Variants in SLC7A14 observed in about 807,000 individuals in gnomAD.
The protein encoded by SLC7A14 is gamma-aminobutyric acid transporter SLC7A14.
SLC7A14 carries 37 observed loss-of-function variants against 60.2 expected under a neutral mutation model. The observed-to-expected ratio is 0.61, with a 90% CI of 0.47 to 0.81. SLC7A14 has a LOEUF of 0.81. Ranked by LOEUF, SLC7A14 falls within the 30% of genes least tolerant of loss-of-function variation. SLC7A14 has a pLI of 0.00. For missense variants in SLC7A14, 886 were observed against 982.7 expected (o/e 0.90, Z 1.32); for synonymous variants, 399 against 395.8 (o/e 1.01, Z -0.10).
rs1713523579 is a variant in SLC7A14 at position 170,526,855 on chromosome 3, G to A, written c.82C>T (p.Arg28Cys). ...AGCATGGACTCCACTGGTTTGGTGC[G>A]TAGGATCCTGGAGTGCATTGCATAC... ...AWYAMHSRIL[R>C]TKPVESMLEG... Residue 28 changes from arginine to cysteine, a missense_variant, in exon 2 of 8, where the codon CGC becomes TGC. Transcript: ENST00000231706. The A allele has an allele frequency of 1.2e-6, 2 of 1,614,076 alleles. No homozygotes were observed. Among genetic ancestry groups the A allele is most frequent in the South Asian group, 2.2e-5 (2 of 91,046 alleles).
intron 1 of SLC7A14, among the ~76,000 whole-genome samples, chr3:170,541,015 G>A (rs563786162): frequency 1.3e-5 from 2 of 152,134 alleles, no homozygotes; most frequent in South Asian, 2.1e-4. Context: ...ACATGGCAAA[G>A]GTTAAAAAAA....
chr3:170,494,365 G>A (rs1406875907), intron 4 of SLC7A14, among the ~76,000 whole-genome samples: 1 of 152,254 alleles, frequency 6.6e-6, no homozygotes, highest in Non-Finnish European at 1.5e-5. Flanking sequence ...TCTTAGGAAA[G>A]TTAGTGAGAA....
chr3:170,568,406 A>C (rs1033572703), intron 1 of SLC7A14, among the ~76,000 whole-genome samples: 10 of 152,204 alleles, frequency 6.6e-5, no homozygotes, highest in Non-Finnish European at 1.3e-4. Flanking sequence ...TGTTTTGGTT[A>C]CTGTAGCCTT....
chr3:170,507,573 G>C (rs1180485169), intron 2 of SLC7A14, among the ~76,000 whole-genome samples: 1 of 152,158 alleles, frequency 6.6e-6, no homozygotes, highest in African/African-American at 2.4e-5. Flanking sequence ...AGGCGAAAAG[G>C]TGTAGCTGGG....
At chr3:170,546,816 T>C (rs1456142216) in intron 1 of SLC7A14, among the ~76,000 whole-genome samples, 7 of 152,116 alleles carry the variant, frequency 4.6e-5, no homozygotes, top group Admixed American at 2.0e-4. Context: ...TGCACTTGAA[T>C]TGGTATTGTT....
At chr3:170,557,301 C>T (rs1714513043) in intron 1 of SLC7A14, among the ~76,000 whole-genome samples, 1 of 151,976 alleles carries the variant, frequency 6.6e-6, no homozygotes, top group African/African-American at 2.4e-5. Flanking sequence ...TTTCAGAAAC[C>T]TCACAGCAAT....
chr3:170,545,157 GT>G (rs552270727), intron 1 of SLC7A14, among the ~76,000 whole-genome samples: 45 of 152,318 alleles, frequency 3.0e-4, no homozygotes, highest in African/African-American at 1.0e-3. Context: ...CACCAGAAAG[GT>G]GTGGTATCCT....
chr3:170,554,134 A>G (rs1714426334), intron 1 of SLC7A14, among the ~76,000 whole-genome samples: 1 of 152,210 alleles, frequency 6.6e-6, no homozygotes, highest in South Asian at 2.1e-4. Flanking sequence ...AGAAAAAAAA[A>G]TGGGCAAGAG....
At position 170,532,649 on chromosome 3, in the gene SLC7A14, C is replaced by T. The variant is rs1009094459; in HGVS notation, c.-152-5561G>A. On this transcript the variant is annotated intron_variant, in intron 1 of 7. Coordinates refer to ENST00000231706, the MANE Select transcript of SLC7A14 (RefSeq NM_020949.3). This position sits in a 1 kb window ranked among gnomAD's most constrained non-coding sequence, Gnocchi z 4.0. ...TGTGGGAGCGTTAGCTAGCATCACCCTGCTGTGGCCCCTGACCAGGTGTTT... is the reference window on the plus strand; with the variant it reads ...TGTGGGAGCGTTAGCTAGCATCACCTTGCTGTGGCCCCTGACCAGGTGTTT... Among the ~76,000 whole-genome samples, 4 of 151,772 alleles carry T rather than the reference C, an allele frequency of 2.6e-5. No individual in the cohort carries two copies. Among genetic ancestry groups the T allele is most frequent in the African/African-American group, 9.7e-5 (4 of 41,284 alleles).
rs575011847 is a variant in SLC7A14, at chr3:170,537,221, C to A, written c.-152-10133G>T. The stretch of plus-strand genomic sequence containing the variant: ...GTTCCAGGGACAGTCTATTTCCTTG[C>A]CTTTTCCAGCCTCTAGAATTTAGAG... On this transcript the variant is annotated intron_variant, in intron 1 of 7. Transcript: ENST00000231706. 1.6e-4 allele frequency among the ~76,000 whole-genome samples: 24 copies of A among 152,302 alleles called. No homozygotes were observed. In the East Asian group the frequency reaches 4.6e-3, roughly 29 times the overall value.
At chr3:170,543,111 T>C (rs1196826313) in intron 1 of SLC7A14, among the ~76,000 whole-genome samples, 1 of 152,182 alleles carries the variant, frequency 6.6e-6, no homozygotes, top group Non-Finnish European at 1.5e-5. Context: ...TGGGTCATCT[T>C]TGCTCTTTGA....
chr3:170,468,930 G>A (rs1055022117), intron 7 of SLC7A14, among the ~76,000 whole-genome samples: 1 of 152,118 alleles, frequency 6.6e-6, no homozygotes, highest in Non-Finnish European at 1.5e-5. Context: ...GCCCCATCCT[G>A]GAGATTCTGA....
chr3:170,486,138 G>A, intron 5 of SLC7A14, 84 bp downstream of exon 5: 1 of 1,531,850 alleles, frequency 6.5e-7, no homozygotes, highest in Non-Finnish European at 8.8e-7. Context: ...AGAAGACATA[G>A]GAAAGGACTC....
At chr3:170,538,222 A>G (rs1457853217) in intron 1 of SLC7A14, among the ~76,000 whole-genome samples, 1 of 152,188 alleles carries the variant, frequency 6.6e-6, no homozygotes, top group Non-Finnish European at 1.5e-5. Context: ...TCCCCAGTCA[A>G]TAGCTGCAAT....
chr3:170,510,608 AATGATGATGGTAATTG>A (rs1712949430), intron 2 of SLC7A14, among the ~76,000 whole-genome samples: 1 of 152,088 alleles, frequency 6.6e-6, no homozygotes, highest in Non-Finnish European at 1.5e-5. Flanking sequence ...ATCAAATGAT[AATGATGATGGTAATTG>A]ATGATGATGG....
Position 170,585,154 on chromosome 3 carries a change from T to G in SLC7A14, c.-153+757A>C, listed in dbSNP as rs1715348966. ...CTCTTGGATTAGAGGGGAGCTGATG[T>G]GCTTTGGAATGGGAGAAGAGAGGAG... On this transcript the variant is annotated intron_variant, in intron 1 of 7. Coordinates refer to ENST00000231706, the MANE Select transcript of SLC7A14 (RefSeq NM_020949.3). The surrounding 1 kb of genome is among the most constrained non-coding windows in gnomAD (Gnocchi z 5.1). Among the ~76,000 whole-genome samples, 1 of 152,084 alleles carries G rather than the reference T, an allele frequency of 6.6e-6. No individual in the cohort carries two copies. The highest frequency in any genetic ancestry group is 2.4e-5 in the African/African-American group (1 of 41,416).
chr3:170,488,957 C>G (rs763147258), intron 4 of SLC7A14, among the ~76,000 whole-genome samples: 1 of 152,110 alleles, frequency 6.6e-6, no homozygotes, highest in Admixed American at 6.6e-5. Flanking sequence ...TTGTTTTCAT[C>G]CAACGTTTTC....
At chr3:170,487,607 ATGAAATACTAGAACC>A (rs1441116157) in intron 4 of SLC7A14, among the ~76,000 whole-genome samples, 1 of 152,248 alleles carries the variant, frequency 6.6e-6, no homozygotes, top group Non-Finnish European at 1.5e-5. Context: ...AAGACCAAAT[ATGAAATACTAGAACC>A]TGTAAGGTAC....
intron 4 of SLC7A14, chr3:170,496,384 A>AG (rs1712395270): frequency 4.2e-6 from 6 of 1,419,576 alleles, no homozygotes; most frequent in Admixed American, 1.7e-5. Flanking sequence ...AGCCGGCTCC[A>AG]GGCTGAGATT....
Sources: allele counts gnomAD v4.1 joint callset (sites outside exome capture counted in the v4.1 genomes callset), GRCh38; gene constraint gnomAD v4.1.1; non-coding constraint Gnocchi (gnomAD v3.1); transcripts MANE v1.5; gene names NCBI Gene and HGNC (gene_info 2026-07-23, HGNC 2026-07-21).